Variants in MYCBP2 observed in about 807,000 individuals in gnomAD.
The protein encoded by MYCBP2 is E3 ubiquitin-protein ligase MYCBP2.
Under a neutral mutation model 525.3 loss-of-function variants are expected in MYCBP2, and 120 were observed. The observed-to-expected ratio is 0.23, with a 90% CI of 0.20 to 0.27. MYCBP2 has a LOEUF of 0.27. Ranked by LOEUF, MYCBP2 falls within the 10% of genes least tolerant of loss-of-function variation. MYCBP2 has a pLI of 1.00. For synonymous variants in MYCBP2, 1,894 were observed against 1,955.8 expected, an observed-to-expected ratio of 0.97 and a Z score of 0.83; for missense variants, 4,149 against 5,657.1, an observed-to-expected ratio of 0.73 and a Z score of 8.55.
chr13:77,316,561 G>C lies in MYCBP2; in HGVS notation c.302+9913C>G, dbSNP rs557584390. Among the ~76,000 whole-genome samples, 13 of 152,310 alleles carry C rather than the reference G, an allele frequency of 8.5e-5. No homozygotes were observed. In the South Asian group the frequency reaches 2.5e-3, roughly 29 times the overall value. ...CCTATTATACAATTAGGATTCACTT[G>C]CTTCAAATAAGGCATGGAAAAAGTT... On this transcript the variant is annotated intron_variant, in intron 1 of 82. Transcript: ENST00000544440.
At position 77,185,134 on chromosome 13, in the gene MYCBP2, C is replaced by A. The variant is rs746385305; in HGVS notation, c.4688G>T (p.Cys1563Phe). 2 of 1,613,912 alleles carry A rather than the reference C, an allele frequency of 1.2e-6. No individual in the cohort carries two copies. The highest frequency in any genetic ancestry group is 4.5e-5 in the East Asian group (2 of 44,870). ...FYPTPALQWA[C>F]LCDLLNCLDQ... Reference sequence around the variant, plus strand: ...CAAACAATTCAGCAGATCACAAAGGCAAGCCCACTGTAAGGCAGGAGTTGG... The same window carrying A: ...CAAACAATTCAGCAGATCACAAAGGAAAGCCCACTGTAAGGCAGGAGTTGG... The change falls in exon 32 of 83, where the codon TGC (cysteine) becomes TTC (phenylalanine). Residue 1563 changes from cysteine to phenylalanine, a missense_variant. Cys to Phe is a radical substitution (Grantham distance 205, BLOSUM62 -2). This residue lies in a region of MYCBP2 where 292 missense variants were observed against 330.5 expected (regional missense o/e 0.88). Coordinates refer to ENST00000544440, the MANE Select transcript of MYCBP2 (RefSeq NM_015057.5).
rs1322389200 is a variant in MYCBP2 at position 77,097,404 on chromosome 13, G to A, written c.9750C>T (p.Tyr3250=). The change falls in exon 56 of 83, where the codon TAC becomes TAT. Residue 3250 remains tyrosine (Y), a synonymous_variant. Coordinates refer to ENST00000544440, the MANE Select transcript of MYCBP2 (RefSeq NM_015057.5). Reference sequence around the variant, plus strand: ...CTTGTCTCATGTGATAGGTCACCGGGTATGGATGTGACTCCCCACACAGTT... The same window carrying A: ...CTTGTCTCATGTGATAGGTCACCGGATATGGATGTGACTCCCCACACAGTT... ...ICELCGESHP[Y]PVTYHMRQAH... 2 of 1,611,970 alleles carry A rather than the reference G, an allele frequency of 1.2e-6. No individual in the cohort carries two copies. The highest frequency in any genetic ancestry group is 1.7e-5 in the Admixed American group (1 of 59,660).
chr13:77,233,588 CTTT>C lies in MYCBP2; in HGVS notation c.2630-328_2630-326del, dbSNP rs895376551. Among the ~76,000 whole-genome samples, 63 of 151,930 alleles carry C rather than the reference CTTT, an allele frequency of 4.1e-4. 1 individual carries two copies. The highest frequency in any genetic ancestry group is 8.8e-5 in the Non-Finnish European group (6 of 67,960). ...AATCAATCAAATTATCTTACAAATA[CTTT>C]TTTAATATCATATATATTCAAAGTC... On this transcript the variant is annotated intron_variant, in intron 17 of 82. Transcript: ENST00000544440.
chr13:77,273,736 A>G, intron 4 of MYCBP2, 68 bp from the exon 5 acceptor site: 1 of 1,204,870 alleles, frequency 8.3e-7, no homozygotes, highest in Non-Finnish European at 1.1e-6. Flanking sequence ...ATATTTATTT[A>G]TTTTTACTTT....
At chr13:77,189,216 A>T (rs1346325719) in intron 29 of MYCBP2, among the ~76,000 whole-genome samples, 169 bp from the exon 30 acceptor site, 1 of 152,162 alleles carries the variant, frequency 6.6e-6, no homozygotes, top group Non-Finnish European at 1.5e-5. Context: ...AGCTAAACAA[A>T]GTTTTTAGCA....
In MYCBP2 at chr13:77,194,168, T is replaced by C. The variant is rs1402623849; in HGVS notation, c.3920A>G (p.Tyr1307Cys). The change falls in exon 27 of 83, where the codon TAT becomes TGT. Residue 1307 changes from tyrosine (Y) to cysteine (C), a missense_variant. Tyr to Cys is a radical substitution (Grantham distance 194). Transcript: ENST00000544440. The part of the protein sequence containing the change: ...DLLAETDVLA[Y>C]DCAAREKYAM... ...AATTATTTACCTAGCAGCACAGTCA[T>C]AAGCCAATACATCAGTCTCTGCAAG... The C allele has an allele frequency of 1.2e-6, 2 of 1,612,444 alleles. No individual in the cohort carries two copies. The highest frequency in any genetic ancestry group is 1.7e-6 in the Non-Finnish European group (2 of 1,178,746).
intron 47 of MYCBP2, among the ~76,000 whole-genome samples, chr13:77,150,270 G>A (rs2056266614): frequency 6.6e-6 from 1 of 152,184 alleles, no homozygotes; most frequent in South Asian, 2.1e-4. Context: ...AGCAAGAATA[G>A]TAAACTGCAA....
chr13:77,201,182 A>G (rs539612648), intron 26 of MYCBP2, among the ~76,000 whole-genome samples: 1 of 151,528 alleles, frequency 6.6e-6, no homozygotes, highest in African/African-American at 2.4e-5. Context: ...GGCTCAAAAT[A>G]AAAGGATGGA....
rs750505382 is a variant in MYCBP2, at chr13:77,095,559, C to T, written c.9998G>A (p.Arg3333His). 6.2e-6 allele frequency: 10 copies of T among 1,613,288 alleles called. No homozygotes were observed. The highest frequency in any genetic ancestry group is 8.5e-6 in the Non-Finnish European group (10 of 1,179,628). ...GTGAGCTTCCATGGTGGGCAAGGCA[C>T]GAGGGGTCTTGACTTGCATTGGTTT... ...RRKPMQVKTP[R>H]ALPTMEAHQV... The change falls in exon 58 of 83, where the codon CGT (arginine) becomes CAT (histidine). Residue 3333 changes from arginine (R) to histidine (H), a missense_variant. Coordinates refer to ENST00000544440, the MANE Select transcript of MYCBP2 (RefSeq NM_015057.5).
At chr13:77,095,716 T>G (rs1052816040) in intron 57 of MYCBP2, 114 bp from the exon 58 acceptor site, 1 of 1,240,440 alleles carries the variant, frequency 8.1e-7, no homozygotes. Context: ...GTAAAGCTAT[T>G]TTAAGATAAT....
intron 80 of MYCBP2, 80 bp from the exon 81 acceptor site, chr13:77,051,998 G>A (rs1023397320): frequency 3.8e-6 from 4 of 1,062,784 alleles, no homozygotes; most frequent in Non-Finnish European, 4.3e-6. Flanking sequence ...CATAGTGAAA[G>A]TAAGATCTAG....
Position 77,326,760 on chromosome 13 carries a change from C to T in MYCBP2, c.16G>A (p.Ala6Thr), listed in dbSNP as rs1207021557. 1.4e-6 allele frequency: 2 copies of T among 1,416,654 alleles called. No homozygotes were observed. The highest frequency in any genetic ancestry group is 1.8e-6 in the Non-Finnish European group (2 of 1,099,646). The allele number at this position is 1,416,654 out of a possible 1,614,324, so 87.8% of individuals were successfully genotyped here. A position where few individuals can be genotyped will look rare whatever the true frequency, so the allele number is the denominator to read the frequency against. Reference protein sequence around the residue: MMMCAATASPAAASSG... With the variant: MMMCATTASPAAASSG... Reference sequence around the variant, plus strand: ...GAGGCGGCGGCGGGGGAGGCAGTCGCTGCGCACATCATCATCCTCGCCGCC... The same window carrying T: ...GAGGCGGCGGCGGGGGAGGCAGTCGTTGCGCACATCATCATCCTCGCCGCC... Residue 6 changes from alanine to threonine, a missense_variant, in exon 1 of 83, where the codon GCG (alanine) becomes ACG (threonine). Physicochemically the swap from Ala to Thr is moderately conservative, Grantham distance 58. Transcript: ENST00000544440. This position sits in a 1 kb window ranked among gnomAD's most constrained non-coding sequence, Gnocchi z 4.2.
intron 18 of MYCBP2, among the ~76,000 whole-genome samples, chr13:77,232,348 A>G (rs367581734): frequency 5.4e-4 from 82 of 152,338 alleles, no homozygotes; most frequent in African/African-American, 1.9e-3. Flanking sequence ...AAGTTGTGCT[A>G]GCTAAGGAAG....
At chr13:77,249,967 T>G (rs1029129429) in intron 15 of MYCBP2, among the ~76,000 whole-genome samples, 27 of 152,142 alleles carry the variant, frequency 1.8e-4, no homozygotes, top group African/African-American at 6.3e-4. Context: ...CTCACGCCTG[T>G]AATCCCAGCA....
intron 4 of MYCBP2, among the ~76,000 whole-genome samples, chr13:77,276,293 A>C (rs2075571595): frequency 6.6e-6 from 1 of 152,210 alleles, no homozygotes; most frequent in African/African-American, 2.4e-5. Context: ...CCACAGTAAG[A>C]GTTATATAAA....
intron 1 of MYCBP2, among the ~76,000 whole-genome samples, chr13:77,300,428 C>T (rs2078657460): frequency 6.6e-6 from 1 of 152,222 alleles, no homozygotes; most frequent in Non-Finnish European, 1.5e-5. Context: ...CCAAATTTCA[C>T]ATAATGCTCA....
At chr13:77,155,130 A>G (rs1487161252) in intron 46 of MYCBP2, among the ~76,000 whole-genome samples, 1 of 152,162 alleles carries the variant, frequency 6.6e-6, no homozygotes, top group African/African-American at 2.4e-5. Flanking sequence ...ATTTAGTATC[A>G]GGGTTGAAAC....
rs772835616 is a variant in MYCBP2, at chr13:77,068,823, A to G, written c.11913T>C (p.Ala3971=). The G allele has an allele frequency of 6.2e-6, 10 of 1,613,722 alleles. No individual in the cohort carries two copies. In the East Asian group the frequency reaches 2.2e-4, roughly 36 times the overall value. The change falls in exon 70 of 83, where the codon GCT becomes GCC. Residue 3971 remains alanine (A), a synonymous_variant. Coordinates refer to ENST00000544440, the MANE Select transcript of MYCBP2 (RefSeq NM_015057.5). ...CCATGCGAATAGCTTGGACAATATG[A>G]GCACACACCTATTTAAAGTTAACAC... ...KLTNLQKQVC[A]HIVQAIRMEA...
At chr13:77,257,207 A>G (rs889337865) in intron 14 of MYCBP2, among the ~76,000 whole-genome samples, 1 of 152,216 alleles carries the variant, frequency 6.6e-6, no homozygotes. Flanking sequence ...ATGAAGATAG[A>G]GAGTACAATG....
Sources: allele counts gnomAD v4.1 joint callset (sites outside exome capture counted in the v4.1 genomes callset), GRCh38; gene constraint gnomAD v4.1.1; regional missense constraint gnomAD v4.1.1; non-coding constraint Gnocchi (gnomAD v3.1); transcripts MANE v1.5; gene names NCBI Gene and HGNC (gene_info 2026-07-23, HGNC 2026-07-21).